Variants in ITFG1 observed in about 807,000 individuals in gnomAD.
The protein encoded by ITFG1 is T-cell immunomodulatory protein.
A neutral mutation model predicts 81.8 loss-of-function variants in ITFG1; 34 were observed. The ratio of observed to expected loss-of-function variants is 0.42; its 90% CI spans 0.32 to 0.55. ITFG1 has a LOEUF of 0.55. Ranked by LOEUF, ITFG1 falls within the 20% of genes least tolerant of loss-of-function variation. ITFG1 has a pLI of 0.17. For missense variants in ITFG1, 672 were observed against 755.4 expected, an observed-to-expected ratio of 0.89 and a Z score of 1.29; for synonymous variants, 285 against 270.6, an observed-to-expected ratio of 1.05 and a Z score of -0.52.
intron 14 of ITFG1, among the ~76,000 whole-genome samples, chr16:47,176,660 A>G (rs1405381864): frequency 6.6e-6 from 1 of 152,190 alleles, no homozygotes; most frequent in Non-Finnish European, 1.5e-5. Context: ...TCTTTCAACT[A>G]TAAGTGACAG....
At chr16:47,345,437 A>G (rs1439455823) in intron 8 of ITFG1, among the ~76,000 whole-genome samples, 1 of 151,926 alleles carries the variant, frequency 6.6e-6, no homozygotes, top group Non-Finnish European at 1.5e-5. Flanking sequence ...AGTAGCTGGG[A>G]TTACAGATGC....
chr16:47,460,713 A>C, intron 1 of ITFG1, 125 bp downstream of exon 1: 2 of 1,023,258 alleles, frequency 2.0e-6, no homozygotes, highest in Non-Finnish European at 2.9e-6. Flanking sequence ...GCTAAAGGGA[A>C]GGCCACAGGG....
At chr16:47,284,381 T>C (rs915443938) in intron 10 of ITFG1, among the ~76,000 whole-genome samples, 39 of 152,268 alleles carry the variant, frequency 2.6e-4, no homozygotes, top group African/African-American at 8.7e-4. Context: ...ATGCAACTTA[T>C]TTAAATAGAT....
intron 8 of ITFG1, among the ~76,000 whole-genome samples, chr16:47,336,499 G>T (rs1252421310): frequency 1.3e-5 from 2 of 152,204 alleles, no homozygotes; most frequent in East Asian, 3.8e-4. Flanking sequence ...CTATCTGGAA[G>T]ATGGACAGAA....
At chr16:47,162,765 G>T in intron 14 of ITFG1, 101 bp from the exon 15 acceptor site, 1 of 991,016 alleles carries the variant, frequency 1.0e-6, no homozygotes, top group Non-Finnish European at 1.5e-6. Flanking sequence ...GTACTGGAAT[G>T]TATCACGTTT....
At chr16:47,255,298 A>G (rs571025302) in intron 12 of ITFG1, among the ~76,000 whole-genome samples, 6 of 152,378 alleles carry the variant, frequency 3.9e-5, no homozygotes, top group African/African-American at 1.4e-4. Flanking sequence ...GGAAAAACTC[A>G]CTGTCACTCA....
At chr16:47,352,199 T>C (rs997065766) in intron 8 of ITFG1, among the ~76,000 whole-genome samples, 1 of 152,104 alleles carries the variant, frequency 6.6e-6, no homozygotes, top group African/African-American at 2.4e-5. Context: ...AAAGCCAAAA[T>C]TGACAAATGG....
intron 10 of ITFG1, among the ~76,000 whole-genome samples, chr16:47,276,400 TA>T (rs1474371502): frequency 6.6e-6 from 1 of 152,158 alleles, no homozygotes; most frequent in Non-Finnish European, 1.5e-5. Flanking sequence ...ACAATGTGAA[TA>T]AATGTTATGG....
chr16:47,355,596 G>T (rs1471382067), intron 8 of ITFG1, among the ~76,000 whole-genome samples: 1 of 152,030 alleles, frequency 6.6e-6, no homozygotes, highest in Non-Finnish European at 1.5e-5. Flanking sequence ...TGATTTGAAC[G>T]TTACACAATG....
At chr16:47,160,550 A>G (rs1011302295) in intron 16 of ITFG1, among the ~76,000 whole-genome samples, 4 of 152,140 alleles carry the variant, frequency 2.6e-5, no homozygotes, top group Non-Finnish European at 5.9e-5. Flanking sequence ...AATTTCATCT[A>G]TAGAAAACTA....
At chr16:47,359,930 A>G (rs990497914) in intron 8 of ITFG1, among the ~76,000 whole-genome samples, 4 of 152,216 alleles carry the variant, frequency 2.6e-5, no homozygotes, top group Non-Finnish European at 5.9e-5. Flanking sequence ...TTCTTCCCTC[A>G]ATAGAATTTA....
chr16:47,412,695 CAAA>C (rs34669796), intron 6 of ITFG1, among the ~76,000 whole-genome samples: 171 of 106,092 alleles, frequency 1.6e-3, no homozygotes, highest in African/African-American at 4.5e-3. Flanking sequence ...GACTCTGTCT[CAAA>C]AAAAAAAAAA....
At chr16:47,325,107 G>A (rs1020691892) in intron 8 of ITFG1, among the ~76,000 whole-genome samples, 2 of 152,014 alleles carry the variant, frequency 1.3e-5, no homozygotes, top group African/African-American at 2.4e-5. Flanking sequence ...AGCAAATGTA[G>A]AAGAACAGAA....
intron 6 of ITFG1, among the ~76,000 whole-genome samples, chr16:47,415,271 A>G (rs988710756): frequency 6.6e-6 from 1 of 152,200 alleles, no homozygotes; most frequent in Non-Finnish European, 1.5e-5. Flanking sequence ...TGCAAGAATA[A>G]AGGAATATAA....
chr16:47,168,982 CTTCT>C (rs1964926539), intron 14 of ITFG1, among the ~76,000 whole-genome samples: 1 of 152,036 alleles, frequency 6.6e-6, no homozygotes, highest in Non-Finnish European at 1.5e-5. Flanking sequence ...TGAAGGTACT[CTTCT>C]TTCTCCATTG....
At chr16:47,277,620 A>T (rs1966411222) in intron 10 of ITFG1, among the ~76,000 whole-genome samples, 1 of 152,212 alleles carries the variant, frequency 6.6e-6, no homozygotes, top group Non-Finnish European at 1.5e-5. Context: ...GAAACTTCAA[A>T]AGAAAATTAG....
chr16:47,180,764 G>A (rs147758069), intron 14 of ITFG1, among the ~76,000 whole-genome samples: 6 of 151,624 alleles, frequency 4.0e-5, no homozygotes, highest in African/African-American at 1.2e-4. Flanking sequence ...CTGCCTTGGC[G>A]TCCCAAAGTG....
chr16:47,201,958 C>T (rs188799739), intron 14 of ITFG1: 1 of 152,244 alleles, frequency 6.6e-6, no homozygotes, highest in Admixed American at 6.5e-5. Flanking sequence ...TCCATGTAAG[C>T]AGAACTACTT....
chr16:47,200,750 A>G (rs1343047063), intron 14 of ITFG1, among the ~76,000 whole-genome samples: 2 of 152,192 alleles, frequency 1.3e-5, no homozygotes, highest in Non-Finnish European at 2.9e-5. Context: ...TTAGAAATGA[A>G]AATTCTGTGG....
Sources: gnomAD v4.1 joint callset for allele counts (sites outside exome capture counted in the v4.1 genomes callset) on GRCh38, gnomAD v4.1.1 for gene constraint, MANE v1.5 for transcripts, NCBI Gene and HGNC (gene_info 2026-07-23, HGNC 2026-07-21) for gene names.